Variants in LAMA2 observed in about 807,000 individuals in gnomAD.
LAMA2 encodes laminin subunit alpha-2.
In LAMA2, 269 loss-of-function variants were observed where a neutral mutation model predicts 364.8. That is an observed-to-expected ratio of 0.74 (90% confidence interval 0.67 to 0.82). The LOEUF is 0.82. Among genes scored for constraint, LAMA2 ranks in the 40% least tolerant of loss-of-function variants. The pLI, the probability that LAMA2 is intolerant of heterozygous loss-of-function variation, is 0.00. For missense variants in LAMA2, 3,807 were observed against 3,873.2 expected (o/e 0.98, Z 0.45); for synonymous variants, 1,379 against 1,370.6 (o/e 1.01, Z -0.14).
chr6:129,351,252 G>A (rs1776837369), intron 31 of LAMA2, among the ~76,000 whole-genome samples: 1 of 152,102 alleles, frequency 6.6e-6, no homozygotes, highest in South Asian at 2.1e-4. Context: ...AAAAGCATGT[G>A]TATAGAATAG....
At position 128,943,459 on chromosome 6, in the gene LAMA2, C is replaced by CT. The variant is rs11288751; in HGVS notation, c.112+60115dup. ...CCACCACACCCAGTTAGTTATTGTA[C>CT]TTTTTTTTTTTTTGAAGAGACAGGG... On this transcript the variant is annotated intron_variant, in intron 1 of 64. Coordinates refer to ENST00000421865, the MANE Select transcript of LAMA2 (RefSeq NM_000426.4). Among the ~76,000 whole-genome samples, 607 of 145,962 alleles carry CT rather than the reference C, an allele frequency of 4.2e-3. 6 individuals carry two copies. The highest frequency in any genetic ancestry group is 0.02 in the Admixed American group (296 of 14,584).
At chr6:129,508,702 A>G (rs981552980) in intron 62 of LAMA2, among the ~76,000 whole-genome samples, 1 of 152,144 alleles carries the variant, frequency 6.6e-6, no homozygotes. Context: ...ATAGGATCTC[A>G]TTCTTTTTTA....
At chr6:129,278,970 A>C (rs1788518022) in intron 17 of LAMA2, among the ~76,000 whole-genome samples, 1 of 152,204 alleles carries the variant, frequency 6.6e-6, no homozygotes, top group Non-Finnish European at 1.5e-5. Context: ...AAGTATTTCA[A>C]AGTAATTCAA....
At chr6:129,166,940 C>A (rs146524592) in intron 9 of LAMA2, among the ~76,000 whole-genome samples, 2 of 152,128 alleles carry the variant, frequency 1.3e-5, no homozygotes, top group Non-Finnish European at 2.9e-5. Flanking sequence ...ACCCTCTCAA[C>A]TTTATATGGA....
chr6:129,148,193 G>A (rs1444695135), intron 6 of LAMA2, among the ~76,000 whole-genome samples: 1 of 152,098 alleles, frequency 6.6e-6, no homozygotes, highest in Non-Finnish European at 1.5e-5. Context: ...ATGAGATCAT[G>A]TCCTTTGCAG....
intron 1 of LAMA2, among the ~76,000 whole-genome samples, chr6:129,048,956 C>T (rs551101962): frequency 6.6e-6 from 1 of 152,136 alleles, no homozygotes; most frequent in Non-Finnish European, 1.5e-5. Flanking sequence ...TATAGACCTA[C>T]TTGGCACATA....
chr6:129,145,395 A>G (rs546198162), intron 5 of LAMA2, among the ~76,000 whole-genome samples: 4 of 152,134 alleles, frequency 2.6e-5, no homozygotes, highest in East Asian at 1.9e-4. Context: ...ATACCTCAAC[A>G]TATTGTAAAT....
At chr6:129,310,191 G>T (rs1316773390) in intron 22 of LAMA2, among the ~76,000 whole-genome samples, 1 of 152,128 alleles carries the variant, frequency 6.6e-6, no homozygotes, top group African/African-American at 2.4e-5. Context: ...GAGCCACCGC[G>T]CCCGGCCGAT....
intron 1 of LAMA2, among the ~76,000 whole-genome samples, chr6:128,984,655 ATTT>A (rs66667236): frequency 2.0e-4 from 29 of 143,456 alleles, no homozygotes; most frequent in African/African-American, 4.5e-4. Context: ...AATTTAAATG[ATTT>A]TTTTTTTTTT....
chr6:128,917,141 A>G (rs1300421600), intron 1 of LAMA2, among the ~76,000 whole-genome samples: 1 of 150,148 alleles, frequency 6.7e-6, no homozygotes, highest in Non-Finnish European at 1.5e-5. Context: ...TTGTCCTCCC[A>G]TTCTACAAAT....
At chr6:129,362,422 TC>T (rs1777518631) in intron 32 of LAMA2, among the ~76,000 whole-genome samples, 1 of 152,088 alleles carries the variant, frequency 6.6e-6, no homozygotes, top group Non-Finnish European at 1.5e-5. Context: ...CTTCCCCTCT[TC>T]CCCTCTCTCT....
chr6:129,260,743 C>T lies in LAMA2; in HGVS notation c.2129C>T (p.Ser710Phe), dbSNP rs1312831725. Residue 710 changes from serine (S) to phenylalanine (F), a missense_variant, in exon 15 of 65, where the codon TCC becomes TTC. Ser to Phe is a radical substitution (Grantham distance 155, BLOSUM62 -2). Around this residue, in one of 3 missense-constraint regions of LAMA2, gnomAD observed 3,333 missense variants for 3,345.7 expected, o/e 1.00. Transcript: ENST00000421865. Reference protein sequence around the residue: ...LSSVNLESAVSYPTDGSIAAA... With the variant: ...LSSVNLESAVFYPTDGSIAAA... ...TCTGTTAACCTTGAATCCGCTGTCT[C>T]CTATCCTACTGATGGAAGCATTGCA... The T allele has an allele frequency of 6.2e-6, 10 of 1,612,552 alleles. No homozygotes were observed. The Admixed American group carries it at 1.3e-4, about 22-fold the overall frequency.
intron 40 of LAMA2, among the ~76,000 whole-genome samples, chr6:129,424,534 A>T (rs888571872): frequency 1.3e-5 from 2 of 152,046 alleles, no homozygotes; most frequent in African/African-American, 4.8e-5. Context: ...AAACTCAAAA[A>T]TAAGAGCAAA....
chr6:129,087,562 A>T (rs1431424979), intron 3 of LAMA2, among the ~76,000 whole-genome samples: 1 of 152,222 alleles, frequency 6.6e-6, no homozygotes, highest in Non-Finnish European at 1.5e-5. Context: ...ATTAAAAGAA[A>T]ATCTCTAAAT....
chr6:129,431,264 T>C (rs574790794), intron 41 of LAMA2, among the ~76,000 whole-genome samples: 44 of 151,978 alleles, frequency 2.9e-4, no homozygotes, highest in Admixed American at 2.0e-4. Context: ...CTGGGCATGG[T>C]GGTGGGTGCC....
At chr6:129,431,865 G>T (rs537898424) in intron 41 of LAMA2, among the ~76,000 whole-genome samples, 16 of 152,278 alleles carry the variant, frequency 1.1e-4, no homozygotes, top group African/African-American at 3.1e-4. Flanking sequence ...AAGATTCTGA[G>T]ATCATGGATG....
chr6:129,079,601 T>C (rs1773906466), intron 3 of LAMA2, among the ~76,000 whole-genome samples: 6 of 149,770 alleles, frequency 4.0e-5, no homozygotes, highest in Admixed American at 2.7e-4. Flanking sequence ...GCGTATGAAG[T>C]GGTGGTGGTT....
Position 129,465,207 on chromosome 6 carries a change from A to G in LAMA2, c.7218A>G (p.Ser2406=). Residue 2406 remains serine (S), a synonymous_variant, in exon 51 of 65, where the codon TCA becomes TCG. Coordinates refer to ENST00000421865, the MANE Select transcript of LAMA2 (RefSeq NM_000426.4). ...TAAAAGTCAGTTACGATCTGGGCTC[A>G]GGAATGGCTTCCGTTGTCAGCAATC... is the stretch of plus-strand genomic sequence containing the variant. ...GHIKVSYDLG[S]GMASVVSNQN... is the part of the protein sequence containing the mutation. The G allele has an allele frequency of 6.2e-7, 1 of 1,610,906 alleles. No homozygotes were observed. Among genetic ancestry groups the G allele is most frequent in the Non-Finnish European group, 8.5e-7 (1 of 1,177,562 alleles).
intron 4 of LAMA2, among the ~76,000 whole-genome samples, chr6:129,113,491 C>G (rs769188839): frequency 3.9e-5 from 6 of 151,980 alleles, no homozygotes; most frequent in Non-Finnish European, 7.4e-5. Context: ...AGTCAAGTAA[C>G]TGGTTTTGTC....
Sources: gnomAD v4.1 joint callset for allele counts (sites outside exome capture counted in the v4.1 genomes callset) on GRCh38, gnomAD v4.1.1 for gene constraint, gnomAD v4.1.1 regional missense constraint, MANE v1.5 for transcripts, NCBI Gene and HGNC (gene_info 2026-07-23, HGNC 2026-07-21) for gene names.